WDR75: variants seen among roughly 807,000 people sequenced by gnomAD.
The protein encoded by WDR75 is WD repeat domain 75.
In WDR75, 52 loss-of-function variants were observed where a neutral mutation model predicts 106.1. That is an observed-to-expected ratio of 0.49 (90% CI 0.39 to 0.62). WDR75 has a LOEUF of 0.62. WDR75 is among the 20% of genes least tolerant of loss of function. The probability of loss-of-function intolerance (pLI) is 0.00; values close to 1 mark genes in which losing one functional copy is unlikely to be tolerated. For missense variants in WDR75, 905 were observed against 970.3 expected (o/e 0.93, Z 0.89); for synonymous variants, 333 against 335.5 (o/e 0.99, Z 0.08).
intron 2 of WDR75, chr2:189,449,510 G>A: frequency 9.0e-7 from 1 of 1,111,150 alleles, no homozygotes; most frequent in South Asian, 2.2e-5. Flanking sequence ...ATTGAAATTT[G>A]TGAAGTCCAT....
At chr2:189,458,694 C>T in intron 6 of WDR75, 59 bp from the exon 7 acceptor site, 1 of 1,403,150 alleles carries the variant, frequency 7.1e-7, no homozygotes, top group Admixed American at 2.6e-5. Flanking sequence ...TACTTAACTA[C>T]ATCACCACTT....
intron 6 of WDR75, among the ~76,000 whole-genome samples, chr2:189,458,458 C>CA (rs142493798): frequency 7.3e-5 from 11 of 150,006 alleles, no homozygotes; most frequent in Non-Finnish European, 1.0e-4. Context: ...TTGACCAGGC[C>CA]AAAAAAAAAT....
intron 17 of WDR75, 21 bp from the exon 18 acceptor site, chr2:189,470,798 T>C: frequency 6.4e-7 from 1 of 1,569,772 alleles, no homozygotes. Flanking sequence ...GTCTTTTGCA[T>C]CATTAATTCT....
intron 12 of WDR75, among the ~76,000 whole-genome samples, chr2:189,466,215 C>T (rs910950051): frequency 2.0e-5 from 3 of 152,102 alleles, no homozygotes; most frequent in Non-Finnish European, 2.9e-5. Context: ...AGAATGTTCT[C>T]TAAAGTCACA....
intron 16 of WDR75, 28 bp from the exon 17 acceptor site, chr2:189,470,047 GT>G: frequency 6.2e-7 from 1 of 1,602,810 alleles, no homozygotes; most frequent in Non-Finnish European, 8.5e-7. Flanking sequence ...CAGGCAAAAT[GT>G]TATTGTTTCT....
intron 19 of WDR75, among the ~76,000 whole-genome samples, 154 bp downstream of exon 19, chr2:189,474,486 A>T (rs1687173634): frequency 6.6e-6 from 1 of 152,202 alleles, no homozygotes. Flanking sequence ...TAACCTTGTG[A>T]TCTGGGATTG....
intron 11 of WDR75, 124 bp from the exon 12 acceptor site, chr2:189,464,955 A>T (rs1430683239): frequency 1.5e-6 from 1 of 671,380 alleles, no homozygotes; most frequent in African/African-American, 1.8e-5. Context: ...TTTATTTAAA[A>T]ATCTATTACT....
At chr2:189,457,018 G>C (rs918658310) in intron 5 of WDR75, among the ~76,000 whole-genome samples, 1 of 152,108 alleles carries the variant, frequency 6.6e-6, no homozygotes, top group African/African-American at 2.4e-5. Flanking sequence ...GAGGCAGGCG[G>C]ATCACCTGAG....
At position 189,465,147 on chromosome 2, in the gene WDR75, A is replaced by G. The variant is rs13429203; in HGVS notation, c.1182A>G (p.Ala394=). The G allele has an allele frequency of 0.037, 59,991 of 1,613,064 alleles. 1,283 individuals carry two copies. Among genetic ancestry groups the G allele is most frequent in the African/African-American group, 0.068 (5,103 of 74,968 alleles). Residue 394 remains alanine, a synonymous_variant, in exon 12 of 21, where the codon GCA becomes GCG. Transcript: ENST00000314761. ...GLIQIELTKA[A]FGCFGNWLAT... is the part of the protein sequence containing the mutation. Reference sequence around the variant, plus strand: ...TCCAAATTGAACTAACAAAGGCTGCATTTGGCTGCTTTGGTAACTGGCTTG... The same window carrying G: ...TCCAAATTGAACTAACAAAGGCTGCGTTTGGCTGCTTTGGTAACTGGCTTG...
At position 189,474,332 on chromosome 2, in the gene WDR75, G is replaced by C. The variant is rs767182811; in HGVS notation, c.2196G>C (p.Glu732Asp). Reference sequence around the variant, plus strand: ...CAGAAAACATACCCGCAATTAGTGAGGTAAGTAATTATGAAAACCATGTGA... The same window carrying C: ...CAGAAAACATACCCGCAATTAGTGACGTAAGTAATTATGAAAACCATGTGA... ...PLTENIPAIS[E>D]LLHTPAHVLP... Residue 732 changes from glutamate (E) to aspartate (D), a missense_variant and splice_region_variant, in exon 19 of 21, where the codon GAG becomes GAC. Physicochemically the swap from Glu to Asp is conservative, Grantham distance 45. Coordinates refer to ENST00000314761, the MANE Select transcript of WDR75 (RefSeq NM_032168.3). 6.2e-7 allele frequency: 1 copy of C among 1,603,076 alleles called. No individual in the cohort carries two copies. Among genetic ancestry groups the C allele is most frequent in the South Asian group, 1.1e-5 (1 of 87,880 alleles).
rs1687189408 is a variant in WDR75, at chr2:189,475,212, G to A, written c.2289-1G>A. The A allele has an allele frequency of 6.2e-7, 1 of 1,600,030 alleles. No individual in the cohort carries two copies. The highest frequency in any genetic ancestry group is 1.7e-5 in the Admixed American group (1 of 58,818). ...TATATTTTATTCTGTTATTGTTAAA[G>A]TGCTAAGGAAATTCCTGAAGATGTA... On this transcript the variant is annotated splice_acceptor_variant, in intron 20 of 20. Transcript: ENST00000314761. LOFTEE classifies it high-confidence loss of function.
At chr2:189,453,808 CT>C (rs1473380609) in intron 4 of WDR75, among the ~76,000 whole-genome samples, 3 of 152,130 alleles carry the variant, frequency 2.0e-5, no homozygotes, top group Non-Finnish European at 2.9e-5. Flanking sequence ...TATGTGTACC[CT>C]TTTTGTGTTA....
intron 2 of WDR75, chr2:189,449,960 C>A (rs570090420): frequency 4.2e-5 from 41 of 985,158 alleles, no homozygotes; most frequent in African/African-American, 7.0e-5. Flanking sequence ...ACAACAAAAT[C>A]TAGCAGAAAC....
chr2:189,443,795 G>A (rs1378567186), intron 1 of WDR75, among the ~76,000 whole-genome samples: 6 of 152,220 alleles, frequency 3.9e-5, no homozygotes, highest in Admixed American at 1.3e-4. Flanking sequence ...TAAAGTCAGT[G>A]TAATTGCAGC....
chr2:189,464,786 A>G (rs13426353), intron 11 of WDR75, among the ~76,000 whole-genome samples: 9,841 of 152,152 alleles, frequency 0.065, 493 homozygotes, highest in African/African-American at 0.14. Context: ...AAGCACTACT[A>G]TAAATTAACG....
intron 15 of WDR75, 94 bp from the exon 16 acceptor site, chr2:189,469,250 G>A (rs770386663): frequency 5.5e-6 from 5 of 912,178 alleles, no homozygotes; most frequent in Non-Finnish European, 8.9e-6. Context: ...TTAGTTGGAA[G>A]CATAAGATTC....
At chr2:189,451,097 A>G in intron 3 of WDR75, 129 bp downstream of exon 3, 8 of 1,185,202 alleles carry the variant, frequency 6.7e-6, no homozygotes, top group Non-Finnish European at 8.7e-6. Context: ...AAATAACATC[A>G]AAAAAATTAA....
At chr2:189,470,597 A>T (rs1262159992) in intron 17 of WDR75, among the ~76,000 whole-genome samples, 1 of 150,410 alleles carries the variant, frequency 6.6e-6, no homozygotes, top group Non-Finnish European at 1.5e-5. Context: ...TCTGTCAGTT[A>T]TATTTTTTAT....
intron 18 of WDR75, 64 bp from the exon 19 acceptor site, chr2:189,474,116 CTTACTG>C (rs1385264186): frequency 6.7e-7 from 1 of 1,481,590 alleles, no homozygotes; most frequent in Non-Finnish European, 9.2e-7. Flanking sequence ...TTCTGTAGTA[CTTACTG>C]TTAAGTCAAA....
Sources: gnomAD v4.1 joint callset for allele counts (sites outside exome capture counted in the v4.1 genomes callset) on GRCh38, gnomAD v4.1.1 for gene constraint, MANE v1.5 for transcripts, NCBI Gene and HGNC (gene_info 2026-07-23, HGNC 2026-07-21) for gene names.